The following CPD variants were observed in gnomAD, a reference collection of about 807,000 sequenced individuals.
The protein encoded by CPD is carboxypeptidase D.
CPD carries 69 observed loss-of-function variants against 138.3 expected under a neutral mutation model. The observed-to-expected ratio is 0.50, with a 90% CI of 0.41 to 0.61. CPD has a LOEUF of 0.61. CPD is among the 20% of genes least tolerant of loss of function. The pLI is 0.00. For missense variants in CPD, 1,432 were observed against 1,733.3 expected (o/e 0.83, Z 3.09); for synonymous variants, 651 against 642.1 (o/e 1.01, Z -0.21).
chr17:30,378,944 G>C lies in CPD; in HGVS notation c.-37G>C, dbSNP rs1910958321. The C allele has an allele frequency of 2.8e-6, 4 of 1,421,810 alleles. No individual in the cohort carries two copies. The highest frequency in any genetic ancestry group is 3.0e-5 in the African/African-American group (2 of 65,942). 88.1% of individuals were successfully genotyped at this position (1,421,810 alleles called of 1,614,324 possible). On this transcript the variant is annotated 5_prime_UTR_variant, in exon 1 of 21. Coordinates refer to ENST00000225719, the MANE Select transcript of CPD (RefSeq NM_001304.5). ...CCCCCGCCGCCCGGAGCGCTGAGCC[G>C]CGGGAGCGGAGCCGGGGTTAGCGGC... is the stretch of plus-strand genomic sequence containing the variant.
chr17:30,448,648 C>T (rs1245757982), intron 12 of CPD, among the ~76,000 whole-genome samples: 2 of 152,152 alleles, frequency 1.3e-5, no homozygotes, highest in Admixed American at 1.3e-4. Flanking sequence ...CTAAAGAAAG[C>T]AGACCTTAAG....
chr17:30,384,360 G>A (rs1911126340), intron 1 of CPD, among the ~76,000 whole-genome samples: 1 of 152,012 alleles, frequency 6.6e-6, no homozygotes, highest in Admixed American at 6.6e-5. Context: ...TCTTTGGACG[G>A]TAAATGTAAA....
At chr17:30,409,213 G>T (rs983498202) in intron 2 of CPD, among the ~76,000 whole-genome samples, 1 of 152,214 alleles carries the variant, frequency 6.6e-6, no homozygotes, top group Admixed American at 6.5e-5. Flanking sequence ...AAGCTGACTT[G>T]ATCGTGGTGG....
intron 2 of CPD, among the ~76,000 whole-genome samples, chr17:30,416,115 C>T (rs937896876): frequency 2.0e-5 from 3 of 152,012 alleles, no homozygotes; most frequent in African/African-American, 4.8e-5. Flanking sequence ...GGCGGATCAC[C>T]TGAGGTCAGG....
At chr17:30,401,623 A>T (rs554789663) in intron 2 of CPD, among the ~76,000 whole-genome samples, 3 of 152,190 alleles carry the variant, frequency 2.0e-5, no homozygotes, top group African/African-American at 7.2e-5. Context: ...AGCCGGGACT[A>T]CAGGCACGTG....
chr17:30,415,566 T>C lies in CPD; in HGVS notation c.995-5275T>C, dbSNP rs1912082370. On this transcript the variant is annotated intron_variant, in intron 2 of 20. Coordinates refer to ENST00000225719, the MANE Select transcript of CPD (RefSeq NM_001304.5). The stretch of plus-strand genomic sequence containing the variant: ...ACAAAGAACTCCTACAACATAACAA[T>C]AAAAAACAAATAATCTAATTTAAAA... Among the ~76,000 whole-genome samples the C allele has an allele frequency of 2.0e-5, 3 of 151,950 alleles. No individual in the cohort carries two copies. In the South Asian group the frequency reaches 6.2e-4, roughly 32 times the overall value.
rs756147611 is a variant in CPD, at chr17:30,443,874, G to T, written c.2446G>T (p.Val816Phe). 2 of 1,613,960 alleles carry T rather than the reference G, an allele frequency of 1.2e-6. No individual in the cohort carries two copies. The highest frequency in any genetic ancestry group is 1.1e-5 in the South Asian group (1 of 91,076). ...GRGILNATIS[V>F]AEINHPVTTY... ...GGGTATATTAAATGCCACCATTAGTGTTGCTGAGATTAATCACCCAGTGAC... is the reference window on the plus strand; with the variant it reads ...GGGTATATTAAATGCCACCATTAGTTTTGCTGAGATTAATCACCCAGTGAC... The change falls in exon 11 of 21, where the codon GTT becomes TTT. Residue 816 changes from valine to phenylalanine, a missense_variant. Transcript: ENST00000225719.
intron 6 of CPD, among the ~76,000 whole-genome samples, chr17:30,426,717 C>T (rs1454971082): frequency 6.6e-6 from 1 of 152,172 alleles, no homozygotes; most frequent in African/African-American, 2.4e-5. Flanking sequence ...AATTCAGGCC[C>T]CTCTTATAAT....
intron 2 of CPD, among the ~76,000 whole-genome samples, chr17:30,415,378 C>T (rs1446286684): frequency 6.6e-6 from 1 of 152,152 alleles, no homozygotes; most frequent in African/African-American, 2.4e-5. Flanking sequence ...GCACAGCAAA[C>T]ATTGTGAATG....
intron 2 of CPD, among the ~76,000 whole-genome samples, chr17:30,398,415 A>G (rs1448747727): frequency 6.6e-6 from 1 of 152,208 alleles, no homozygotes; most frequent in Non-Finnish European, 1.5e-5. Context: ...GGCTGAATAA[A>G]GATATTCTGA....
chr17:30,416,454 A>G (rs940824768), intron 2 of CPD, among the ~76,000 whole-genome samples: 1 of 152,248 alleles, frequency 6.6e-6, no homozygotes, highest in African/African-American at 2.4e-5. Context: ...CTTTAGCACA[A>G]TAAAACAAAA....
In CPD at chr17:30,449,761, C is replaced by A; in HGVS notation, c.3069+13C>A. ...AGCTGTTACCCAAGTAAGAGAATAGCCGAGGTTGACATGCTTTAAAAGGAA... is the reference window on the plus strand; with the variant it reads ...AGCTGTTACCCAAGTAAGAGAATAGACGAGGTTGACATGCTTTAAAAGGAA... On this transcript the variant is annotated intron_variant, in intron 13 of 20. Transcript: ENST00000225719. 6.5e-7 allele frequency: 1 copy of A among 1,533,338 alleles called. No individual in the cohort carries two copies. Among genetic ancestry groups the A allele is most frequent in the Non-Finnish European group, 8.7e-7 (1 of 1,149,098 alleles). 95.0% of individuals were successfully genotyped at this position (1,533,338 alleles called of 1,614,324 possible). A position where few individuals can be genotyped will look rare whatever the true frequency, so the allele number is the denominator to read the frequency against.
rs1413061858 is a variant in CPD, at chr17:30,456,478, A to G, written c.3450A>G (p.Gly1150=). ...CPNKSDENIP[G]GVMRGAEWHS... Reference sequence around the variant, plus strand: ...CTTTTATAGATGAGAATATTCCAGGAGGAGTAATGCGTGGAGCAGAATGGC... The same window carrying G: ...CTTTTATAGATGAGAATATTCCAGGGGGAGTAATGCGTGGAGCAGAATGGC... Residue 1150 remains glycine (G), a synonymous_variant, in exon 17 of 21, where the codon GGA becomes GGG. Transcript: ENST00000225719. 1.2e-6 allele frequency: 2 copies of G among 1,614,176 alleles called. No individual in the cohort carries two copies. Among genetic ancestry groups the G allele is most frequent in the Non-Finnish European group, 1.7e-6 (2 of 1,180,014 alleles).
In CPD at chr17:30,440,236, G is replaced by A. The variant is rs193057151; in HGVS notation, c.2230+1159G>A. 5.4e-3 allele frequency among the ~76,000 whole-genome samples: 431 copies of A among 79,152 alleles called. 2 individuals are homozygous for A. Among genetic ancestry groups the A allele is most frequent in the East Asian group, 0.014 (39 of 2,786 alleles). 51.9% of individuals were successfully genotyped at this position (79,152 alleles called of 152,430 possible). On this transcript the variant is annotated intron_variant, in intron 9 of 20. Transcript: ENST00000225719. ...TGAGAAGTGTCTGTTCATGTCCTTC[G>A]CCCACTTTTTGATGGGGTTGTTTGT...
chr17:30,379,764 T>A lies in CPD; in HGVS notation c.746+38T>A. On this transcript the variant is annotated intron_variant, in intron 1 of 20. Coordinates refer to ENST00000225719, the MANE Select transcript of CPD (RefSeq NM_001304.5). The surrounding 1 kb of genome is among the most constrained non-coding windows in gnomAD (Gnocchi z 7.0). ...TGCCCCCTCCCCGTCCGTGTGAGCCTCCAAGGGCCGAGGCTGGTTCCGGCA... is the reference window on the plus strand; with the variant it reads ...TGCCCCCTCCCCGTCCGTGTGAGCCACCAAGGGCCGAGGCTGGTTCCGGCA... 7.3e-7 allele frequency: 1 copy of A among 1,377,434 alleles called. No individual in the cohort carries two copies. The highest frequency in any genetic ancestry group is 9.4e-7 in the Non-Finnish European group (1 of 1,060,620). The allele number at this position is 1,377,434 out of a possible 1,614,324, so 85.3% of individuals were successfully genotyped here. A position where few individuals can be genotyped will look rare whatever the true frequency, so the allele number is the denominator to read the frequency against.
intron 1 of CPD, among the ~76,000 whole-genome samples, chr17:30,383,925 T>C (rs1045706207): frequency 7.2e-5 from 11 of 152,226 alleles, no homozygotes; most frequent in African/African-American, 2.2e-4. Flanking sequence ...AATAGGACTT[T>C]AGCATTTTTT....
chr17:30,443,956 C>T lies in CPD; in HGVS notation c.2528C>T (p.Thr843Ile), dbSNP rs1912948864. The change falls in exon 11 of 21, where the codon ACA (threonine) becomes ATA (isoleucine). Residue 843 changes from threonine (T) to isoleucine (I), a missense_variant. Coordinates refer to ENST00000225719, the MANE Select transcript of CPD (RefSeq NM_001304.5). ...RLLVPGTYKI[T>I]ASARGYNPVT... is the part of the protein sequence containing the mutation. Reference sequence around the variant, plus strand: ...TTGGTTCCAGGAACTTATAAAATCACAGCATCTGCTCGAGGGTGAGTGACT... The same window carrying T: ...TTGGTTCCAGGAACTTATAAAATCATAGCATCTGCTCGAGGGTGAGTGACT... The T allele has an allele frequency of 8.7e-6, 14 of 1,613,666 alleles. No homozygotes were observed. Among genetic ancestry groups the T allele is most frequent in the Non-Finnish European group, 1.1e-5 (13 of 1,179,806 alleles).
chr17:30,434,127 T>C (rs1378566955), intron 8 of CPD, among the ~76,000 whole-genome samples: 2 of 152,190 alleles, frequency 1.3e-5, no homozygotes, highest in Non-Finnish European at 2.9e-5. Flanking sequence ...GTAGATAGTC[T>C]TGGGAGACAT....
chr17:30,447,681 A>G (rs1229508319), intron 12 of CPD: 2 of 151,984 alleles, frequency 1.3e-5, no homozygotes, highest in Non-Finnish European at 2.9e-5. Flanking sequence ...TCCTAATTCT[A>G]GTCTCTATTC....
Sources: gnomAD v4.1 joint callset for allele counts (sites outside exome capture counted in the v4.1 genomes callset) on GRCh38, gnomAD v4.1.1 for gene constraint, Gnocchi (gnomAD v3.1) non-coding constraint, MANE v1.5 for transcripts, NCBI Gene and HGNC (gene_info 2026-07-23, HGNC 2026-07-21) for gene names.